Variants in MAP4 observed in about 807,000 individuals in gnomAD.
The protein encoded by MAP4 is microtubule associated protein 4.
A neutral mutation model predicts 170.2 loss-of-function variants in MAP4; 76 were observed. The ratio of observed to expected loss-of-function variants is 0.45; its 90% confidence interval spans 0.37 to 0.54. The LOEUF (loss-of-function observed/expected upper bound fraction) is 0.54, where lower values mean the gene tolerates loss of function less well. Ranked by LOEUF, MAP4 falls within the 20% of genes least tolerant of loss-of-function variation. The probability of loss-of-function intolerance (pLI) is 0.00; values close to 1 mark genes in which losing one functional copy is unlikely to be tolerated. For missense variants in MAP4, 2,506 were observed against 2,748.0 expected (o/e 0.91, Z 1.97); for synonymous variants, 909 against 994.5 (o/e 0.91, Z 1.62).
chr3:47,928,107 C>T, intron 4 of MAP4, 121 bp downstream of exon 4: 1 of 1,204,218 alleles, frequency 8.3e-7, no homozygotes, highest in Non-Finnish European at 1.2e-6. Flanking sequence ...CAAACCAATG[C>T]TAAGGTTGTA....
intron 1 of MAP4, among the ~76,000 whole-genome samples, chr3:48,026,434 G>C (rs544895829): frequency 1.3e-5 from 2 of 152,174 alleles, no homozygotes; most frequent in Admixed American, 6.5e-5. Context: ...ATGATTCTTA[G>C]TAAATCACAT....
At position 47,870,811 on chromosome 3, in the gene MAP4, AC is replaced by A; in HGVS notation, c.6294+1del. On this transcript the variant is annotated splice_donor_variant, in intron 15 of 20. Transcript: ENST00000683076. LOFTEE classifies it high-confidence loss of function. Reference sequence around the variant, plus strand: ...CCAGGACCCCAAGCTCCCTGGACCCACCCGGCCTCCTCCAGGCTGATGCTTG... The same window carrying A: ...CCAGGACCCCAAGCTCCCTGGACCCACCGGCCTCCTCCAGGCTGATGCTTG... 1 of 1,545,346 alleles carries A rather than the reference AC, an allele frequency of 6.5e-7. No individual in the cohort carries two copies.
At chr3:48,062,652 G>T (rs187503231) in intron 1 of MAP4, among the ~76,000 whole-genome samples, 6 of 151,470 alleles carry the variant, frequency 4.0e-5, no homozygotes, top group Non-Finnish European at 8.8e-5. Context: ...GCTGGGCGTG[G>T]TGGTTCACGC....
intron 1 of MAP4, among the ~76,000 whole-genome samples, chr3:48,062,494 T>TAAAAAA (rs1156947592): frequency 2.6e-3 from 212 of 81,388 alleles, no homozygotes; most frequent in Admixed American, 4.3e-3. Flanking sequence ...GAATGATCAA[T>TAAAAAA]AAAAAAAAAA....
chr3:48,046,376 A>C (rs2100124585), intron 1 of MAP4, among the ~76,000 whole-genome samples: 1 of 152,252 alleles, frequency 6.6e-6, no homozygotes, highest in Non-Finnish European at 1.5e-5. Context: ...TATGCTGTGT[A>C]AAATTTAAAC....
At chr3:48,020,829 C>G (rs568477377), upstream of MAP4, among the ~76,000 whole-genome samples, 112 of 152,020 alleles carry the variant, frequency 7.4e-4, no homozygotes, top group Admixed American at 2.2e-3. Context: ...ACTATGTTGC[C>G]CAGGCTGGAG....
intron 3 of MAP4, among the ~76,000 whole-genome samples, chr3:47,955,140 C>G (rs776228689): frequency 6.6e-6 from 1 of 152,146 alleles, no homozygotes; most frequent in African/African-American, 2.4e-5. Flanking sequence ...ATCATAAACT[C>G]GTGGACTATC....
At chr3:47,983,380 A>G (rs932349135) in intron 2 of MAP4, among the ~76,000 whole-genome samples, 4 of 151,328 alleles carry the variant, frequency 2.6e-5, no homozygotes, top group African/African-American at 9.7e-5. Context: ...TGGCTTATTT[A>G]TTTATTTATT....
chr3:47,967,289 C>T (rs924831212), intron 3 of MAP4, among the ~76,000 whole-genome samples: 29 of 152,054 alleles, frequency 1.9e-4, no homozygotes, highest in African/African-American at 6.5e-4. Flanking sequence ...GAGCCATGAA[C>T]GGGTCACTGC....
chr3:47,931,057 A>G (rs569585514), intron 3 of MAP4, among the ~76,000 whole-genome samples: 1 of 151,872 alleles, frequency 6.6e-6, no homozygotes, highest in South Asian at 2.1e-4. Flanking sequence ...ACTACAATGA[A>G]CTCCTACTAC....
chr3:47,914,787 CAA>C, intron 8 of MAP4, 28 bp downstream of exon 8: 2 of 1,613,768 alleles, frequency 1.2e-6, no homozygotes, highest in Non-Finnish European at 1.7e-6. Flanking sequence ...TAATTTGTTT[CAA>C]AGAGTTCATT....
At chr3:48,042,697 G>C (rs1215249088) in intron 1 of MAP4, among the ~76,000 whole-genome samples, 1 of 152,072 alleles carries the variant, frequency 6.6e-6, no homozygotes, top group Non-Finnish European at 1.5e-5. Context: ...GAAAAAGTCT[G>C]GGAGCTCCTC....
chr3:48,077,786 AT>A (rs1181745140), intron 1 of MAP4, among the ~76,000 whole-genome samples: 3 of 152,224 alleles, frequency 2.0e-5, no homozygotes, highest in Admixed American at 1.3e-4. Flanking sequence ...TGCAACCCAA[AT>A]GTTCATCAAT....
At position 47,890,916 on chromosome 3, in the gene MAP4, C is replaced by G. The variant is rs550949040; in HGVS notation, c.5434+12034G>C. 26 of 904,794 alleles carry G rather than the reference C, an allele frequency of 2.9e-5. No individual in the cohort carries two copies. The East Asian group carries it at 7.1e-4, about 25-fold the overall frequency. The allele number at this position is 904,794 out of a possible 1,614,324, so 56.0% of individuals were successfully genotyped here. A position where few individuals can be genotyped will look rare whatever the true frequency, so the allele number is the denominator to read the frequency against. On this transcript the variant is annotated intron_variant, in intron 10 of 20. Coordinates refer to ENST00000683076, the MANE Select transcript of MAP4 (RefSeq NM_001385682.1). ...GAATTAAGCTTTCCCCAGGCAGTCA[C>G]AGAACCCAGCTGTAAAAAGCTGCTT... is the stretch of plus-strand genomic sequence containing the variant.
At chr3:48,029,380 G>A (rs541377939) in intron 1 of MAP4, among the ~76,000 whole-genome samples, 2 of 152,276 alleles carry the variant, frequency 1.3e-5, no homozygotes, top group South Asian at 4.1e-4. Flanking sequence ...AGGCTGCAGT[G>A]AGCCGAGATG....
intron 10 of MAP4, among the ~76,000 whole-genome samples, chr3:47,879,240 G>GA (rs373945928): frequency 8.1e-4 from 118 of 144,998 alleles, no homozygotes; most frequent in Non-Finnish European, 1.2e-3. Context: ...TCTATTAAGT[G>GA]AAAAAAAAAA....
At chr3:47,892,171 C>T in intron 10 of MAP4, 1 of 1,536,336 alleles carries the variant, frequency 6.5e-7, no homozygotes. Flanking sequence ...AAATCACATA[C>T]CTGCTCTCAA....
intron 2 of MAP4, among the ~76,000 whole-genome samples, chr3:47,990,809 GAA>G (rs1487346777): frequency 6.8e-6 from 1 of 147,752 alleles, no homozygotes; most frequent in Admixed American, 6.9e-5. Flanking sequence ...ATTTTTTAAG[GAA>G]AAAAGTCAGG....
intron 3 of MAP4, among the ~76,000 whole-genome samples, chr3:47,947,729 TGAA>T (rs2100061047): frequency 6.8e-6 from 1 of 147,620 alleles, no homozygotes; most frequent in African/African-American, 2.5e-5. Flanking sequence ...GAGAATTGCT[TGAA>T]CCCGGGAGGC....
Sources: gnomAD v4.1 joint callset for allele counts (sites outside exome capture counted in the v4.1 genomes callset) on GRCh38, gnomAD v4.1.1 for gene constraint, MANE v1.5 for transcripts, NCBI Gene and HGNC (gene_info 2026-07-23, HGNC 2026-07-21) for gene names.